The following INTS9 variants were observed in gnomAD, a reference collection of about 807,000 sequenced individuals.
INTS9 encodes the protein integrator complex subunit 9.
INTS9 carries 55 observed loss-of-function variants against 79.7 expected under a neutral mutation model. The observed-to-expected ratio is 0.69, with a 90% CI of 0.56 to 0.86. The LOEUF (loss-of-function observed/expected upper bound fraction) is 0.86. Ranked by LOEUF, INTS9 falls within the 40% of genes least tolerant of loss-of-function variation. INTS9 has a pLI of 0.00. For synonymous variants in INTS9, 319 were observed against 325.2 expected (o/e 0.98, Z 0.20); for missense variants, 721 against 831.5 (o/e 0.87, Z 1.64).
At chr8:28,813,084 G>C (rs1805245507) in intron 7 of INTS9, among the ~76,000 whole-genome samples, 2 of 152,160 alleles carry the variant, frequency 1.3e-5, no homozygotes, top group South Asian at 4.1e-4. Flanking sequence ...TTTTCAGTTA[G>C]GTGTTAGGCC....
At chr8:28,838,246 T>A (rs79279059) in intron 4 of INTS9, among the ~76,000 whole-genome samples, 25 of 148,292 alleles carry the variant, frequency 1.7e-4, no homozygotes, top group African/African-American at 6.2e-4. Context: ...CTTGTTTTGC[T>A]TTTTTTTTTC....
chr8:28,784,861 T>C (rs1056467578), intron 11 of INTS9, among the ~76,000 whole-genome samples: 2 of 152,234 alleles, frequency 1.3e-5, no homozygotes, highest in South Asian at 2.1e-4. Context: ...TACCAACTGT[T>C]ATCAATGCTC....
At chr8:28,822,255 T>C (rs1283734322) in intron 6 of INTS9, among the ~76,000 whole-genome samples, 1 of 152,018 alleles carries the variant, frequency 6.6e-6, no homozygotes, top group Admixed American at 6.5e-5. Context: ...AGGTTCAGCA[T>C]CTAATAGCAA....
At chr8:28,884,356 A>T (rs142501004) in intron 1 of INTS9, among the ~76,000 whole-genome samples, 2 of 151,038 alleles carry the variant, frequency 1.3e-5, no homozygotes, top group African/African-American at 4.9e-5. Context: ...GCTAATTTTT[A>T]GTTTTTTTTG....
chr8:28,771,251 G>GTGCA (rs1802522797), intron 14 of INTS9, 171 bp from the exon 15 acceptor site: 1 of 668,514 alleles, frequency 1.5e-6, no homozygotes, highest in African/African-American at 1.8e-5. Flanking sequence ...GACACACCAA[G>GTGCA]TGCAGCCTTT....
chr8:28,838,004 C>T (rs1270590903), intron 4 of INTS9, among the ~76,000 whole-genome samples: 1 of 152,050 alleles, frequency 6.6e-6, no homozygotes, highest in Non-Finnish European at 1.5e-5. Flanking sequence ...AGAGGCAGCA[C>T]TCTGATTTTA....
At chr8:28,786,818 C>A (rs146643501) in intron 11 of INTS9, among the ~76,000 whole-genome samples, 1 of 152,084 alleles carries the variant, frequency 6.6e-6, no homozygotes, top group African/African-American at 2.4e-5. Context: ...CCCAGGTTCA[C>A]GCCATTCTCC....
Position 28,835,421 on chromosome 8 carries a change from T to G in INTS9, c.402-43A>C, listed in dbSNP as rs112500401. On this transcript the variant is annotated intron_variant, in intron 5 of 16. Coordinates refer to ENST00000521022, the MANE Select transcript of INTS9 (RefSeq NM_018250.4). ...AAGTGAGGAACACCCATTAAAAAAT[T>G]AGAGAAACACCCCATACTCTAACAG... is the stretch of plus-strand genomic sequence containing the variant. The G allele has an allele frequency of 1.2e-3, 1,733 of 1,433,188 alleles. 18 individuals carry two copies. In the African/African-American group the frequency reaches 0.02, roughly 17 times the overall value. The allele number at this position is 1,433,188 out of a possible 1,614,324, so 88.8% of individuals were successfully genotyped here. A position where few individuals can be genotyped will look rare whatever the true frequency, so the allele number is the denominator to read the frequency against.
In INTS9 at chr8:28,777,896, C is replaced by A; in HGVS notation, c.1328G>T (p.Cys443Phe). 1 of 1,612,758 alleles carries A rather than the reference C, an allele frequency of 6.2e-7. No homozygotes were observed. The highest frequency in any genetic ancestry group is 2.2e-5 in the East Asian group (1 of 44,682). Residue 443 changes from cysteine (C) to phenylalanine (F), a missense_variant, in exon 13 of 17, where the codon TGC (cysteine) becomes TTC (phenylalanine). Around this residue, in one of 3 missense-constraint regions of INTS9, gnomAD observed 281 missense variants for 300.8 expected, o/e 0.93. Coordinates refer to ENST00000521022, the MANE Select transcript of INTS9 (RefSeq NM_018250.4). Reference protein sequence around the residue: ...LAPYQPLAMKCIYCPIDTRLN... With the variant: ...LAPYQPLAMKFIYCPIDTRLN... ...CCGGGTGTCGATGGGGCAGTAGATG[C>A]ATTTCATGGCCAGCGGCTGGTAAGG...
At chr8:28,809,113 CT>C in intron 8 of INTS9, among the ~76,000 whole-genome samples, 1 of 151,946 alleles carries the variant, frequency 6.6e-6, no homozygotes, top group South Asian at 2.1e-4. Flanking sequence ...CCGCACCTGG[CT>C]TTTTTTTATT....
intron 1 of INTS9, among the ~76,000 whole-genome samples, chr8:28,872,420 C>T (rs1809145102): frequency 6.6e-6 from 1 of 152,080 alleles, no homozygotes; most frequent in African/African-American, 2.4e-5. Flanking sequence ...CTCTCATTAA[C>T]TATATGTCTC....
At chr8:28,862,093 C>T in intron 1 of INTS9, 4 of 985,456 alleles carry the variant, frequency 4.1e-6, no homozygotes, top group Non-Finnish European at 4.8e-6. Context: ...GGTTCACACA[C>T]TTGTACAGGA....
chr8:28,787,086 G>A (rs1585351771), intron 11 of INTS9, among the ~76,000 whole-genome samples: 1 of 152,210 alleles, frequency 6.6e-6, no homozygotes, highest in East Asian at 1.9e-4. Context: ...AACCAAAAAT[G>A]AGGAGTAACT....
chr8:28,850,058 A>T (rs879024965), intron 3 of INTS9, 155 bp downstream of exon 3: 1 of 520,796 alleles, frequency 1.9e-6, no homozygotes, highest in Non-Finnish European at 3.5e-6. Context: ...AACAGCAGTT[A>T]CCATGTTCTG....
chr8:28,835,867 G>A (rs1296495276), intron 5 of INTS9, among the ~76,000 whole-genome samples: 1 of 151,734 alleles, frequency 6.6e-6, no homozygotes, highest in Admixed American at 6.6e-5. Context: ...AGACTGCAAT[G>A]GCACAATCTC....
At chr8:28,886,976 G>T (rs1810203347) in intron 1 of INTS9, among the ~76,000 whole-genome samples, 1 of 152,006 alleles carries the variant, frequency 6.6e-6, no homozygotes, top group South Asian at 2.1e-4. Flanking sequence ...TTTCTCAAGG[G>T]TATCCATAGA....
chr8:28,857,864 AG>A (rs1468209237), intron 2 of INTS9, among the ~76,000 whole-genome samples: 1 of 152,182 alleles, frequency 6.6e-6, no homozygotes, highest in Non-Finnish European at 1.5e-5. Flanking sequence ...GGGGATAGAG[AG>A]GGCCAGGAAT....
intron 6 of INTS9, among the ~76,000 whole-genome samples, chr8:28,817,436 C>T (rs988077943): frequency 6.6e-6 from 1 of 151,850 alleles, no homozygotes; most frequent in African/African-American, 2.4e-5. Context: ...GCTTGTTTTT[C>T]TCAGGTTTGT....
intron 14 of INTS9, among the ~76,000 whole-genome samples, chr8:28,772,034 A>AT (rs372277453): frequency 1.6e-3 from 242 of 152,032 alleles, no homozygotes; most frequent in African/African-American, 4.9e-3. Flanking sequence ...CTAATTTATT[A>AT]TTTTTTTGTA....
Sources: gnomAD v4.1 joint callset for allele counts (sites outside exome capture counted in the v4.1 genomes callset) on GRCh38, gnomAD v4.1.1 for gene constraint, gnomAD v4.1.1 regional missense constraint, MANE v1.5 for transcripts, NCBI Gene and HGNC (gene_info 2026-07-23, HGNC 2026-07-21) for gene names.